Variants in TENM4 observed in about 807,000 individuals in gnomAD.
TENM4 encodes the protein teneurin transmembrane protein 4.
TENM4 carries 82 observed loss-of-function variants against 243.3 expected under a neutral mutation model. The observed-to-expected ratio is 0.34, with a 90% CI of 0.28 to 0.40. The LOEUF (loss-of-function observed/expected upper bound fraction) is 0.40, where lower values mean the gene tolerates loss of function less well. Among genes scored for constraint, TENM4 ranks in the 10% least tolerant of loss-of-function variants. The probability of loss-of-function intolerance (pLI) is 1.00; values close to 1 mark genes in which losing one functional copy is unlikely to be tolerated. For synonymous variants in TENM4, 1,412 were observed against 1,456.3 expected (o/e 0.97, Z 0.69); for missense variants, 3,138 against 3,673.3 (o/e 0.85, Z 3.77).
intron 12 of TENM4, among the ~76,000 whole-genome samples, chr11:78,848,916 C>T (rs1858464313): frequency 6.6e-6 from 1 of 152,212 alleles, no homozygotes; most frequent in African/African-American, 2.4e-5. Context: ...GACTGATTTA[C>T]AGCAACCACC....
intron 3 of TENM4, among the ~76,000 whole-genome samples, chr11:79,210,356 G>A (rs1863933205): frequency 6.6e-6 from 1 of 152,232 alleles, no homozygotes; most frequent in South Asian, 2.1e-4. Context: ...ATTGTCTGCT[G>A]TGTGCATGGG....
chr11:78,822,933 G>A lies in TENM4; in HGVS notation c.1682-8538C>T, dbSNP rs564086189. ...CTTTTTAACCCTCCCTGCGGTTCCT[G>A]AGATAACAGTATCGCATTATCATCC... On this transcript the variant is annotated intron_variant, in intron 12 of 33. Coordinates refer to ENST00000278550, the MANE Select transcript of TENM4 (RefSeq NM_001098816.3). 3.7e-3 allele frequency among the ~76,000 whole-genome samples: 570 copies of A among 152,288 alleles called. 5 individuals carry two copies. The highest frequency in any genetic ancestry group is 0.013 in the African/African-American group (555 of 41,558).
intron 1 of TENM4, among the ~76,000 whole-genome samples, chr11:79,414,182 ACG>A (rs1491423551): frequency 2.9e-4 from 43 of 147,618 alleles, no homozygotes; most frequent in South Asian, 6.6e-4. Context: ...ACACACACAC[ACG>A]CACACAAACA....
chr11:79,429,798 A>G (rs1161551310), intron 1 of TENM4, among the ~76,000 whole-genome samples: 3 of 152,230 alleles, frequency 2.0e-5, no homozygotes, highest in Non-Finnish European at 4.4e-5. Context: ...TTTGGAAATA[A>G]TGGTGCTGAT....
At chr11:78,836,993 C>T (rs1858132075) in intron 12 of TENM4, among the ~76,000 whole-genome samples, 2 of 152,288 alleles carry the variant, frequency 1.3e-5, no homozygotes, top group South Asian at 4.2e-4. Flanking sequence ...TTTTCTGGTC[C>T]TTTACATTTG....
chr11:79,421,429 A>G (rs11828933), intron 1 of TENM4, among the ~76,000 whole-genome samples: 21,374 of 152,238 alleles, frequency 0.14, 1,708 homozygotes, highest in Middle Eastern at 0.19. Context: ...TCCTATCAAA[A>G]TACAGCTGTT....
At chr11:78,667,234 C>T (rs1034732773) in intron 32 of TENM4, among the ~76,000 whole-genome samples, 4 of 152,126 alleles carry the variant, frequency 2.6e-5, no homozygotes, top group Non-Finnish European at 5.9e-5. Context: ...TCCCTTCTTC[C>T]CTATGCTTGG....
chr11:79,239,854 G>A (rs557797402), intron 2 of TENM4, among the ~76,000 whole-genome samples: 31 of 152,252 alleles, frequency 2.0e-4, no homozygotes, highest in African/African-American at 6.0e-4. Flanking sequence ...AAGACCACGC[G>A]CAGAGCTAAG....
At chr11:79,395,527 A>G (rs536392210) in intron 1 of TENM4, among the ~76,000 whole-genome samples, 99 of 152,154 alleles carry the variant, frequency 6.5e-4, no homozygotes, top group Non-Finnish European at 1.1e-3. Context: ...AACATGACCC[A>G]CTCAATCGGT....
At chr11:79,242,770 G>T (rs1363090470) in intron 2 of TENM4, among the ~76,000 whole-genome samples, 1 of 152,114 alleles carries the variant, frequency 6.6e-6, no homozygotes, top group African/African-American at 2.4e-5. Context: ...ATTCATTTTT[G>T]TCTGCATTTC....
chr11:78,768,865 C>T (rs1856593145), intron 18 of TENM4, among the ~76,000 whole-genome samples: 1 of 152,174 alleles, frequency 6.6e-6, no homozygotes, highest in African/African-American at 2.4e-5. Flanking sequence ...CCCATGTTAC[C>T]ACTGGTGCAT....
At chr11:79,258,022 C>G (rs1324427504) in intron 2 of TENM4, among the ~76,000 whole-genome samples, 1 of 152,178 alleles carries the variant, frequency 6.6e-6, no homozygotes, top group East Asian at 1.9e-4. Flanking sequence ...GAGGGGTTCA[C>G]TCAATCCATG....
intron 1 of TENM4, among the ~76,000 whole-genome samples, chr11:79,311,885 A>G (rs924057136): frequency 6.6e-6 from 1 of 152,090 alleles, no homozygotes; most frequent in Non-Finnish European, 1.5e-5. Context: ...GAATTCCGTG[A>G]TGTTCAGATA....
chr11:78,843,532 G>A (rs1235165573), intron 12 of TENM4, among the ~76,000 whole-genome samples: 1 of 152,018 alleles, frequency 6.6e-6, no homozygotes. Context: ...AAATATCTAA[G>A]ATAATACTTA....
At chr11:78,732,145 T>G (rs1410500210) in intron 21 of TENM4, among the ~76,000 whole-genome samples, 171 bp downstream of exon 21, 1 of 152,192 alleles carries the variant, frequency 6.6e-6, no homozygotes, top group Non-Finnish European at 1.5e-5. Flanking sequence ...CCTCATGCCC[T>G]TACACCATGC....
chr11:79,055,525 A>G (rs547358814), intron 6 of TENM4, among the ~76,000 whole-genome samples: 1 of 152,348 alleles, frequency 6.6e-6, no homozygotes, highest in African/African-American at 2.4e-5. Flanking sequence ...TATGGGCGTG[A>G]GCCACTGTGC....
chr11:78,846,291 T>C (rs1420658790), intron 12 of TENM4, among the ~76,000 whole-genome samples: 2 of 152,214 alleles, frequency 1.3e-5, no homozygotes, highest in Non-Finnish European at 2.9e-5. Context: ...TCTTTACATA[T>C]GTGTATATAT....
chr11:79,094,325 T>C (rs1380347856), intron 4 of TENM4, among the ~76,000 whole-genome samples: 1 of 152,176 alleles, frequency 6.6e-6, no homozygotes, highest in Admixed American at 6.5e-5. Flanking sequence ...TCACAGCAGC[T>C]CTGTGCAAGT....
chr11:79,191,979 G>T (rs1244109450), intron 3 of TENM4, among the ~76,000 whole-genome samples: 1 of 151,554 alleles, frequency 6.6e-6, no homozygotes, highest in African/African-American at 2.4e-5. Flanking sequence ...CAGCCGCCCC[G>T]TCGGGGAGGT....
Sources: allele counts gnomAD v4.1 joint callset (sites outside exome capture counted in the v4.1 genomes callset), GRCh38; gene constraint gnomAD v4.1.1; transcripts MANE v1.5; gene names NCBI Gene and HGNC (gene_info 2026-07-23, HGNC 2026-07-21).